Variants in HDAC4 observed in about 807,000 individuals in gnomAD.
HDAC4 encodes the protein histone deacetylase 4.
In HDAC4, 16 loss-of-function variants were observed where a neutral mutation model predicts 135.1. The observed-to-expected ratio is 0.12, with a 90% CI of 0.08 to 0.18. The LOEUF (loss-of-function observed/expected upper bound fraction) is 0.18. Among genes scored for constraint, HDAC4 ranks in the 10% least tolerant of loss-of-function variants. The pLI is 1.00. For missense variants in HDAC4, 1,143 were observed against 1,511.8 expected (o/e 0.76, Z 4.05); for synonymous variants, 685 against 653.4 (o/e 1.05, Z -0.74).
rs375963020 is a variant in HDAC4, at chr2:239,309,522, G to A, written c.22+43156C>T. 3.7e-4 allele frequency among the ~76,000 whole-genome samples: 57 copies of A among 152,320 alleles called. 1 individual carries two copies. Among genetic ancestry groups the A allele is most frequent in the African/African-American group, 1.2e-3 (50 of 41,580 alleles). ...GCTTCCTTCCTCTCACTCCACATCCGAGTTAGAGGGAAATACGATTTATCT... is the reference window on the plus strand; with the variant it reads ...GCTTCCTTCCTCTCACTCCACATCCAAGTTAGAGGGAAATACGATTTATCT... On this transcript the variant is annotated intron_variant, in intron 2 of 26. Coordinates refer to ENST00000543185, the MANE Select transcript of HDAC4 (RefSeq NM_001378414.1). This position sits in a 1 kb window ranked among gnomAD's most constrained non-coding sequence, Gnocchi z 4.2.
At chr2:239,360,933 C>T (rs937990792) in intron 1 of HDAC4, among the ~76,000 whole-genome samples, 11 of 152,178 alleles carry the variant, frequency 7.2e-5, no homozygotes, top group African/African-American at 1.2e-4. Context: ...GTTCTCCAGA[C>T]GGCTTAGAGG....
At chr2:239,296,157 C>A (rs558847643) in intron 2 of HDAC4, among the ~76,000 whole-genome samples, 1 of 152,200 alleles carries the variant, frequency 6.6e-6, no homozygotes, top group South Asian at 2.1e-4. Flanking sequence ...GACCTGGAGC[C>A]GTGTCCTTGA....
chr2:239,281,904 G>A (rs2050786187), intron 2 of HDAC4, among the ~76,000 whole-genome samples: 1 of 124,156 alleles, frequency 8.1e-6, no homozygotes. Flanking sequence ...ACTCTACAAT[G>A]AACACACCAC....
At chr2:239,284,340 A>G (rs1353085134) in intron 2 of HDAC4, among the ~76,000 whole-genome samples, 2 of 152,180 alleles carry the variant, frequency 1.3e-5, no homozygotes, top group Admixed American at 6.5e-5. Flanking sequence ...GAGTGGGCAG[A>G]GTGAGCCAAC....
intron 2 of HDAC4, among the ~76,000 whole-genome samples, chr2:239,247,580 G>A (rs1273272207): frequency 6.6e-6 from 1 of 152,194 alleles, no homozygotes; most frequent in Non-Finnish European, 1.5e-5. Context: ...ACGTGACTCA[G>A]CAACGAAAAC....
At chr2:239,098,015 G>A (rs1199457308) in intron 16 of HDAC4, among the ~76,000 whole-genome samples, 1 of 152,230 alleles carries the variant, frequency 6.6e-6, no homozygotes, top group Non-Finnish European at 1.5e-5. Flanking sequence ...ACGTGTCCAG[G>A]TATCTGCAAG....
At chr2:239,112,436 G>T (rs1383000845) in intron 13 of HDAC4, among the ~76,000 whole-genome samples, 1 of 152,192 alleles carries the variant, frequency 6.6e-6, no homozygotes, top group African/African-American at 2.4e-5. Flanking sequence ...CCCTCGTGCA[G>T]GCTAAAAGCA....
At chr2:239,112,246 A>G (rs1168887820) in intron 13 of HDAC4, among the ~76,000 whole-genome samples, 1 of 152,188 alleles carries the variant, frequency 6.6e-6, no homozygotes, top group Admixed American at 6.5e-5. Flanking sequence ...TACCACACAC[A>G]TACGGTGAGT....
At chr2:239,236,200 G>A (rs990241408) in intron 3 of HDAC4, among the ~76,000 whole-genome samples, 4 of 152,172 alleles carry the variant, frequency 2.6e-5, no homozygotes, top group African/African-American at 7.2e-5. Context: ...TGGAAAAGGC[G>A]CGGTCTGTCC....
chr2:239,206,922 G>C (rs1458033812), intron 3 of HDAC4, among the ~76,000 whole-genome samples: 1 of 152,164 alleles, frequency 6.6e-6, no homozygotes, highest in Non-Finnish European at 1.5e-5. Context: ...ATCTTTTAGA[G>C]AGCTAGGCAC....
chr2:239,178,653 G>A (rs1363794033), intron 4 of HDAC4, among the ~76,000 whole-genome samples: 1 of 152,188 alleles, frequency 6.6e-6, no homozygotes, highest in Non-Finnish European at 1.5e-5. Context: ...TAAAGCTCTG[G>A]GATTACGAGC....
intron 3 of HDAC4, among the ~76,000 whole-genome samples, chr2:239,198,852 C>T (rs1381669516): frequency 6.6e-6 from 1 of 152,138 alleles, no homozygotes; most frequent in Non-Finnish European, 1.5e-5. Flanking sequence ...GATCTCAGGT[C>T]CTCTGCTCAT....
Position 239,052,943 on chromosome 2 carries a change from G to A in HDAC4, c.*154C>T, listed in dbSNP as rs995280665. On this transcript the variant is annotated 3_prime_UTR_variant, in exon 27 of 27. Transcript: ENST00000543185. ...CGTCTCGAGACCTGTGGGCCTGGGCGGCAGAAAGGCTTCCCGTGGCTGTTG... is the reference window on the plus strand; with the variant it reads ...CGTCTCGAGACCTGTGGGCCTGGGCAGCAGAAAGGCTTCCCGTGGCTGTTG... 8.4e-5 allele frequency: 71 copies of A among 841,470 alleles called. No homozygotes were observed. Among genetic ancestry groups the A allele is most frequent in the South Asian group, 6.0e-4 (43 of 71,224 alleles). The allele number at this position is 841,470 out of a possible 1,614,324, so 52.1% of individuals were successfully genotyped here. A position where few individuals can be genotyped will look rare whatever the true frequency, so the allele number is the denominator to read the frequency against.
At chr2:239,284,269 G>A (rs1028117449) in intron 2 of HDAC4, among the ~76,000 whole-genome samples, 11 of 152,256 alleles carry the variant, frequency 7.2e-5, no homozygotes, top group African/African-American at 2.7e-4. Flanking sequence ...GGCAGGACTG[G>A]CTGCGCTTCT....
At chr2:239,143,595 C>T (rs563642782) in intron 8 of HDAC4, among the ~76,000 whole-genome samples, 5 of 152,168 alleles carry the variant, frequency 3.3e-5, no homozygotes, top group African/African-American at 1.2e-4. Context: ...ACCCTTACAC[C>T]GTGGTTAGGA....
At position 239,307,089 on chromosome 2, in the gene HDAC4, G is replaced by A. The variant is rs1047425801; in HGVS notation, c.22+45589C>T. On this transcript the variant is annotated intron_variant, in intron 2 of 26. Transcript: ENST00000543185. This position sits in a 1 kb window ranked among gnomAD's most constrained non-coding sequence, Gnocchi z 4.8. ...GTGAGCCCAGAGGCCCGAGTCGTCC[G>A]GATGGCCCATCTCAGGCCACACCCT... is the stretch of plus-strand genomic sequence containing the variant. Among the ~76,000 whole-genome samples the A allele has an allele frequency of 5.3e-5, 8 of 152,074 alleles. No individual in the cohort carries two copies. The highest frequency in any genetic ancestry group is 1.2e-4 in the African/African-American group (5 of 41,408).
rs552069260 is a variant in HDAC4 at position 239,062,983 on chromosome 2, G to A, written c.3003+3739C>T. Among the ~76,000 whole-genome samples, 7 of 152,218 alleles carry A rather than the reference G, an allele frequency of 4.6e-5. No homozygotes were observed. In the East Asian group the frequency reaches 5.8e-4, roughly 13 times the overall value. ...CAGGTCCCAAGGGGCTCCCCTTGGC[G>A]ATGCAAGGTCCTGACCCCGCCAAGG... On this transcript the variant is annotated intron_variant, in intron 24 of 26. Transcript: ENST00000543185.
At chr2:239,347,848 C>T (rs1164296013) in intron 2 of HDAC4, among the ~76,000 whole-genome samples, 1 of 152,212 alleles carries the variant, frequency 6.6e-6, no homozygotes, top group Non-Finnish European at 1.5e-5. Flanking sequence ...ATTATCCGTA[C>T]CTCGCACCAA....
intron 2 of HDAC4, among the ~76,000 whole-genome samples, chr2:239,348,262 C>T (rs1011601117): frequency 2.0e-5 from 3 of 146,636 alleles, no homozygotes; most frequent in Admixed American, 1.3e-4. Context: ...AGCACCATCC[C>T]GCTGACCACA....
Sources: gnomAD v4.1 joint callset for allele counts (sites outside exome capture counted in the v4.1 genomes callset) on GRCh38, gnomAD v4.1.1 for gene constraint, Gnocchi (gnomAD v3.1) non-coding constraint, MANE v1.5 for transcripts, NCBI Gene and HGNC (gene_info 2026-07-23, HGNC 2026-07-21) for gene names.